Variants in CYB5B observed in about 807,000 individuals in gnomAD.
CYB5B encodes the protein cytochrome b5 type B (outer mitochondrial membrane).
A neutral mutation model predicts 21.3 loss-of-function variants in CYB5B; 14 were observed. That is an observed-to-expected ratio of 0.66 (90% CI 0.43 to 1.03). The LOEUF (loss-of-function observed/expected upper bound fraction) is 1.03, where lower values mean the gene tolerates loss of function less well. CYB5B is among the 50% of genes least tolerant of loss of function. The pLI is 0.00. For missense variants in CYB5B, 166 were observed against 185.1 expected, an observed-to-expected ratio of 0.90 and a Z score of 0.60; for synonymous variants, 69 against 68.4, an observed-to-expected ratio of 1.01 and a Z score of -0.04.
chr16:69,448,055 T>C, intron 2 of CYB5B, 60 bp from the exon 3 acceptor site: 1 of 1,548,276 alleles, frequency 6.5e-7, no homozygotes, highest in Middle Eastern at 1.7e-4. Context: ...GAAACAAGCA[T>C]ATAGTGAGAA....
rs766063848 is a variant in CYB5B, at chr16:69,464,620, G to A, written c.*2100G>A. The A allele has an allele frequency of 2.6e-5, 4 of 152,546 alleles. No homozygotes were observed. The highest frequency in any genetic ancestry group is 4.4e-5 in the Non-Finnish European group (3 of 68,032). 9.4% of individuals were successfully genotyped at this position (152,546 alleles called of 1,614,324 possible). A position where few individuals can be genotyped will look rare whatever the true frequency, so the allele number is the denominator to read the frequency against. On this transcript the variant is annotated 3_prime_UTR_variant, in exon 5 of 5. Coordinates refer to ENST00000307892, the MANE Select transcript of CYB5B (RefSeq NM_030579.3). ...TTGTAAAAGTGTGTTGGCAATGTCC[G>A]AAATTGAATGAAAAACATCTGGCTT...
In CYB5B at chr16:69,424,672, T is replaced by TG. The variant is rs1386578260; in HGVS notation, c.-10dup. 1 of 1,533,550 alleles carries TG rather than the reference T, an allele frequency of 6.5e-7. No individual in the cohort carries two copies. The highest frequency in any genetic ancestry group is 2.1e-5 in the Admixed American group (1 of 48,068). The allele number at this position is 1,533,550 out of a possible 1,614,324, so 95.0% of individuals were successfully genotyped here. On this transcript the variant is annotated 5_prime_UTR_variant, in exon 1 of 5. Transcript: ENST00000307892. ...GTAGTCGCGGAATCTCAGTTAGCGG[T>TG]GGAGAGGCAGTATGTCCGGTTCAAT...
chr16:69,447,532 C>T (rs2014889853), intron 2 of CYB5B, among the ~76,000 whole-genome samples: 2 of 151,698 alleles, frequency 1.3e-5, no homozygotes. Flanking sequence ...AATTCCAGCT[C>T]CTCAGGAGGC....
chr16:69,440,213 A>G (rs246133), intron 1 of CYB5B, among the ~76,000 whole-genome samples: 53,868 of 152,020 alleles, frequency 0.35, 10,605 homozygotes, highest in Admixed American at 0.46. Context: ...CAATTGTTTT[A>G]AATATTGAAT....
At chr16:69,455,136 C>T (rs1049941413) in intron 3 of CYB5B, among the ~76,000 whole-genome samples, 2 of 152,072 alleles carry the variant, frequency 1.3e-5, no homozygotes, top group East Asian at 1.9e-4. Flanking sequence ...CCTCATGATC[C>T]GCCTGTCTCG....
chr16:69,447,987 C>A, intron 2 of CYB5B, 128 bp from the exon 3 acceptor site: 1 of 927,384 alleles, frequency 1.1e-6, no homozygotes, highest in East Asian at 2.5e-5. Context: ...TTCTATGGAT[C>A]CTCAAATCTC....
At position 69,463,092 on chromosome 16, in the gene CYB5B, T is replaced by C. The variant is rs2015051944; in HGVS notation, c.*572T>C. Reference sequence around the variant, plus strand: ...GACCCCTATCTGTATTAAAAAAAAATCTGATTTAATTCTTTTATTTATCAT... The same window carrying C: ...GACCCCTATCTGTATTAAAAAAAAACCTGATTTAATTCTTTTATTTATCAT... On this transcript the variant is annotated 3_prime_UTR_variant, in exon 5 of 5. Transcript: ENST00000307892. 6.6e-6 allele frequency: 1 copy of C among 152,330 alleles called. No individual in the cohort carries two copies. The highest frequency in any genetic ancestry group is 2.4e-5 in the African/African-American group (1 of 41,428). The allele number at this position is 152,330 out of a possible 1,614,324, so 9.4% of individuals were successfully genotyped here. A position where few individuals can be genotyped will look rare whatever the true frequency, so the allele number is the denominator to read the frequency against.
chr16:69,442,538 T>A (rs575130078), intron 1 of CYB5B, among the ~76,000 whole-genome samples: 2 of 152,110 alleles, frequency 1.3e-5, no homozygotes, highest in African/African-American at 4.8e-5. Flanking sequence ...TTATGTATTT[T>A]TAATTTTTTT....
At chr16:69,438,980 T>G (rs564370778) in intron 1 of CYB5B, among the ~76,000 whole-genome samples, 117 of 152,340 alleles carry the variant, frequency 7.7e-4, no homozygotes, top group Non-Finnish European at 1.5e-3. Flanking sequence ...TCTGTTTTTT[T>G]TTGTTGTTGC....
At chr16:69,443,425 A>C (rs552703180) in intron 1 of CYB5B, 14 of 173,998 alleles carry the variant, frequency 8.0e-5, no homozygotes, top group African/African-American at 3.1e-4. Context: ...CTTATTGGTC[A>C]GTTGCCATTA....
Position 69,462,420 on chromosome 16 carries a change from C to G in CYB5B, c.363-10C>G, listed in dbSNP as rs377191602. 1.2e-5 allele frequency: 19 copies of G among 1,604,676 alleles called. No individual in the cohort carries two copies. In the Middle Eastern group the frequency reaches 8.3e-4, roughly 70 times the overall value. On this transcript the variant is annotated splice_polypyrimidine_tract_variant and intron_variant, in intron 4 of 4. Coordinates refer to ENST00000307892, the MANE Select transcript of CYB5B (RefSeq NM_030579.3). ...TTAACAACTTTATTGCTTTCTCCCC[C>G]TATTCCTAGTTGCTGGGCATATTGG... is the stretch of plus-strand genomic sequence containing the variant.
At chr16:69,455,649 G>A (rs1055772238) in intron 3 of CYB5B, among the ~76,000 whole-genome samples, 7 of 151,926 alleles carry the variant, frequency 4.6e-5, no homozygotes, top group African/African-American at 1.4e-4. Flanking sequence ...CTCGTGATCC[G>A]CCCACCTTGG....
chr16:69,441,153 C>CTT (rs533158390), intron 1 of CYB5B, among the ~76,000 whole-genome samples: 13,935 of 133,170 alleles, frequency 0.1, 1,030 homozygotes, highest in African/African-American at 0.18. Flanking sequence ...TTACTTCTCT[C>CTT]TTTTTTTTTT....
At chr16:69,429,043 G>C (rs2014677503) in intron 1 of CYB5B, among the ~76,000 whole-genome samples, 1 of 152,198 alleles carries the variant, frequency 6.6e-6, no homozygotes, top group African/African-American at 2.4e-5. Flanking sequence ...GCAGAAGAGT[G>C]ACATGATGTG....
chr16:69,447,037 A>G (rs917375727), intron 1 of CYB5B, 113 bp from the exon 2 acceptor site: 67 of 1,284,410 alleles, frequency 5.2e-5, no homozygotes, highest in Non-Finnish European at 6.9e-5. Context: ...CACAATGTCA[A>G]TTTGTTCCAT....
chr16:69,452,130 G>A (rs1481157043), intron 3 of CYB5B, among the ~76,000 whole-genome samples: 1 of 151,276 alleles, frequency 6.6e-6, no homozygotes, highest in Non-Finnish European at 1.5e-5. Flanking sequence ...AAAGTAAAAA[G>A]CTGGCCGGGC....
chr16:69,457,311 A>T (rs2014992927), intron 3 of CYB5B, among the ~76,000 whole-genome samples: 1 of 152,208 alleles, frequency 6.6e-6, no homozygotes, highest in Admixed American at 6.5e-5. Flanking sequence ...ATTTATATGA[A>T]GTATATGATT....
chr16:69,459,423 C>T, intron 4 of CYB5B: 1 of 282,836 alleles, frequency 3.5e-6, no homozygotes, highest in Non-Finnish European at 6.6e-6. Context: ...ACTATTGGGT[C>T]AGCCTTTAGT....
At chr16:69,432,959 G>C (rs1331168263) in intron 1 of CYB5B, among the ~76,000 whole-genome samples, 1 of 152,100 alleles carries the variant, frequency 6.6e-6, no homozygotes, top group African/African-American at 2.4e-5. Flanking sequence ...CACCACATCT[G>C]GCTAATTTTT....
Sources: allele counts gnomAD v4.1 joint callset (sites outside exome capture counted in the v4.1 genomes callset), GRCh38; gene constraint gnomAD v4.1.1; transcripts MANE v1.5; gene names NCBI Gene and HGNC (gene_info 2026-07-23, HGNC 2026-07-21).